The following LRRTM4 variants were observed in gnomAD, a reference collection of about 807,000 sequenced individuals.
The protein encoded by LRRTM4 is leucine rich repeat transmembrane neuronal 4.
A neutral mutation model predicts 47.6 loss-of-function variants in LRRTM4; 25 were observed. That is an observed-to-expected ratio of 0.53 (90% confidence interval 0.38 to 0.73). LRRTM4 has a LOEUF of 0.73. Ranked by LOEUF, LRRTM4 falls within the 30% of genes least tolerant of loss-of-function variation. LRRTM4 has a pLI of 0.00. For missense variants in LRRTM4, 638 were observed against 713.4 expected, an observed-to-expected ratio of 0.89 and a Z score of 1.20; for synonymous variants, 311 against 269.5, an observed-to-expected ratio of 1.15 and a Z score of -1.51.
At chr2:77,288,494 G>A (rs1186441634) in intron 3 of LRRTM4, among the ~76,000 whole-genome samples, 2 of 151,874 alleles carry the variant, frequency 1.3e-5, no homozygotes, top group Non-Finnish European at 2.9e-5. Flanking sequence ...TATCATCTTA[G>A]AAGATAATAT....
intron 3 of LRRTM4, among the ~76,000 whole-genome samples, chr2:76,944,781 T>C (rs1452647427): frequency 2.6e-5 from 4 of 152,114 alleles, no homozygotes; most frequent in African/African-American, 9.7e-5. Context: ...AAGTTCATTT[T>C]AGATTAATGG....
chr2:77,184,990 A>G (rs1013680213), intron 3 of LRRTM4, among the ~76,000 whole-genome samples: 1 of 152,068 alleles, frequency 6.6e-6, no homozygotes, highest in Admixed American at 6.6e-5. Context: ...TGAGGTCTCT[A>G]CATATTGTAT....
chr2:77,449,960 T>C (rs1469013458), intron 3 of LRRTM4, among the ~76,000 whole-genome samples: 1 of 152,190 alleles, frequency 6.6e-6, no homozygotes, highest in Non-Finnish European at 1.5e-5. Flanking sequence ...ACTAAATACT[T>C]AAGCAGGACC....
At chr2:77,188,238 A>G (rs1026978038) in intron 3 of LRRTM4, among the ~76,000 whole-genome samples, 3 of 152,132 alleles carry the variant, frequency 2.0e-5, no homozygotes, top group African/African-American at 7.2e-5. Flanking sequence ...GACTACACTC[A>G]TCTCTTGTTT....
At chr2:77,243,079 C>G (rs895783093) in intron 3 of LRRTM4, among the ~76,000 whole-genome samples, 2 of 152,020 alleles carry the variant, frequency 1.3e-5, no homozygotes, top group Non-Finnish European at 2.9e-5. Flanking sequence ...ATGGATTAAC[C>G]TTGAGGAAAT....
chr2:77,068,429 G>A (rs1051257354), intron 3 of LRRTM4, among the ~76,000 whole-genome samples: 2 of 152,038 alleles, frequency 1.3e-5, no homozygotes, highest in Non-Finnish European at 2.9e-5. Flanking sequence ...ACTCTAAAAT[G>A]AAACCTAGAA....
At chr2:77,256,338 T>C (rs1303413555) in intron 3 of LRRTM4, among the ~76,000 whole-genome samples, 1 of 152,064 alleles carries the variant, frequency 6.6e-6, no homozygotes, top group African/African-American at 2.4e-5. Flanking sequence ...TACCAAACAT[T>C]TGAAGAAGAA....
chr2:76,904,221 G>A (rs1007390344), intron 3 of LRRTM4, among the ~76,000 whole-genome samples: 5 of 152,194 alleles, frequency 3.3e-5, no homozygotes, highest in African/African-American at 1.2e-4. Context: ...AAAGTAGCAT[G>A]TGACAACCTC....
chr2:77,351,614 TTATATATATA>T (rs71656252), intron 3 of LRRTM4, among the ~76,000 whole-genome samples: 3 of 135,400 alleles, frequency 2.2e-5, no homozygotes, highest in African/African-American at 5.6e-5. Flanking sequence ...CATGACAAAT[TTATATATATA>T]TATATATATA....
At chr2:76,989,048 T>C (rs1375509317) in intron 3 of LRRTM4, among the ~76,000 whole-genome samples, 1 of 151,888 alleles carries the variant, frequency 6.6e-6, no homozygotes, top group South Asian at 2.1e-4. Flanking sequence ...AAATAATTTT[T>C]CCCAACAATT....
At chr2:76,829,769 T>G (rs1223950356) in intron 3 of LRRTM4, among the ~76,000 whole-genome samples, 1 of 152,042 alleles carries the variant, frequency 6.6e-6, no homozygotes, top group Non-Finnish European at 1.5e-5. Flanking sequence ...TCTGGTGTTT[T>G]AGCAGCTTCT....
At chr2:77,098,747 C>G (rs1269239778) in intron 3 of LRRTM4, among the ~76,000 whole-genome samples, 2 of 151,520 alleles carry the variant, frequency 1.3e-5, no homozygotes, top group East Asian at 3.9e-4. Context: ...ATATTACTCA[C>G]AAAAGATTAG....
intron 3 of LRRTM4, among the ~76,000 whole-genome samples, chr2:76,907,621 G>T (rs1451902631): frequency 7.7e-6 from 1 of 129,846 alleles, no homozygotes; most frequent in Non-Finnish European, 1.6e-5. Flanking sequence ...AAAAAAGAGA[G>T]AAGAATCAAA....
In LRRTM4 at chr2:76,968,991, C is replaced by T. The variant is rs1044687957; in HGVS notation, c.1552-220075G>A. On this transcript the variant is annotated intron_variant, in intron 3 of 3. Transcript: ENST00000409884. ...TGCTAATTGCAAAATAAAGAGACCG[C>T]TGCCTTTATTGGCCTCCCAAAAGGC... Among the ~76,000 whole-genome samples, 11 of 152,018 alleles carry T rather than the reference C, an allele frequency of 7.2e-5. No homozygotes were observed. In the South Asian group the frequency reaches 1.5e-3, roughly 20 times the overall value.
chr2:77,406,340 G>C (rs1175361212), intron 3 of LRRTM4, among the ~76,000 whole-genome samples: 1 of 151,930 alleles, frequency 6.6e-6, no homozygotes, highest in Non-Finnish European at 1.5e-5. Flanking sequence ...ATTATTATTA[G>C]AGACAGGGTC....
At chr2:77,173,273 GA>G (rs892776387) in intron 3 of LRRTM4, among the ~76,000 whole-genome samples, 16 of 152,244 alleles carry the variant, frequency 1.1e-4, no homozygotes, top group Admixed American at 5.2e-4. Context: ...TTGAGTGAAT[GA>G]AAAATCAGTA....
chr2:77,177,291 T>G (rs1345127385), intron 3 of LRRTM4, among the ~76,000 whole-genome samples: 1 of 152,206 alleles, frequency 6.6e-6, no homozygotes, highest in African/African-American at 2.4e-5. Flanking sequence ...CCTGTGACAC[T>G]CGCAAGCCAT....
At chr2:77,057,852 A>G (rs1371784171) in intron 3 of LRRTM4, among the ~76,000 whole-genome samples, 2 of 152,182 alleles carry the variant, frequency 1.3e-5, no homozygotes, top group African/African-American at 2.4e-5. Context: ...TTCATGAAGA[A>G]TAAGATTCAT....
chr2:77,423,888 C>T (rs949860043), intron 3 of LRRTM4, among the ~76,000 whole-genome samples: 8 of 152,162 alleles, frequency 5.3e-5, no homozygotes, highest in Non-Finnish European at 1.2e-4. Context: ...GTGCAAATGA[C>T]AACCAGTCTT....
Sources: allele counts gnomAD v4.1 joint callset (sites outside exome capture counted in the v4.1 genomes callset), GRCh38; gene constraint gnomAD v4.1.1; transcripts MANE v1.5; gene names NCBI Gene and HGNC (gene_info 2026-07-23, HGNC 2026-07-21).